CDH18: variants seen among roughly 807,000 people sequenced by gnomAD.
CDH18 encodes cadherin 18.
Under a neutral mutation model 67.9 loss-of-function variants are expected in CDH18, and 31 were observed. The observed-to-expected ratio is 0.46, with a 90% CI of 0.34 to 0.62. CDH18 has a LOEUF of 0.62. CDH18 is among the 20% of genes least tolerant of loss of function. The pLI is 0.01. For synonymous variants in CDH18, 362 were observed against 347.2 expected (o/e 1.04, Z -0.48); for missense variants, 890 against 975.5 (o/e 0.91, Z 1.17).
chr5:20,388,651 T>A (rs1744532566), intron 1 of CDH18, among the ~76,000 whole-genome samples: 1 of 152,186 alleles, frequency 6.6e-6, no homozygotes, highest in South Asian at 2.1e-4. Flanking sequence ...GTTCTTTTAA[T>A]TGTGATGTTA....
intron 2 of CDH18, among the ~76,000 whole-genome samples, chr5:20,002,466 A>G (rs1213788601): frequency 6.6e-6 from 1 of 152,190 alleles, no homozygotes; most frequent in African/African-American, 2.4e-5. Flanking sequence ...TCTGGAAGAT[A>G]AGTTGTACTA....
At chr5:20,110,515 A>C (rs1481499877) in intron 2 of CDH18, among the ~76,000 whole-genome samples, 2 of 152,062 alleles carry the variant, frequency 1.3e-5, no homozygotes, top group African/African-American at 4.8e-5. Context: ...AAACCCTATC[A>C]CTACTAAAAA....
At chr5:19,807,438 A>C (rs762254629) in intron 3 of CDH18, among the ~76,000 whole-genome samples, 2 of 152,178 alleles carry the variant, frequency 1.3e-5, no homozygotes, top group Non-Finnish European at 2.9e-5. Flanking sequence ...TTGATACTAC[A>C]TTACTTTCCT....
At chr5:19,739,083 T>C (rs761534176) in intron 4 of CDH18, among the ~76,000 whole-genome samples, 6 of 152,094 alleles carry the variant, frequency 3.9e-5, no homozygotes, top group Non-Finnish European at 7.4e-5. Flanking sequence ...CTTTACCCAA[T>C]GAAACAGATA....
intron 2 of CDH18, among the ~76,000 whole-genome samples, chr5:20,225,830 T>C (rs1315592599): frequency 6.6e-6 from 1 of 152,090 alleles, no homozygotes; most frequent in Non-Finnish European, 1.5e-5. Context: ...AGATGTGAAA[T>C]GGAAACTTTT....
rs575825297 is a variant in CDH18, at chr5:20,451,319, G to T, written c.-580+124143C>A. Among the ~76,000 whole-genome samples, 113 of 152,068 alleles carry T rather than the reference G, an allele frequency of 7.4e-4. 1 individual carries two copies. The highest frequency in any genetic ancestry group is 1.1e-3 in the Non-Finnish European group (77 of 68,014). On this transcript the variant is annotated intron_variant, in intron 1 of 14. Coordinates refer to the CDH18 transcript ENST00000507958. Reference sequence around the variant, plus strand: ...GAGGTCTTTTCAGATGTTGCTAAGAGTTTTTATTTCTAAGTTATGTCCAGT... The same window carrying T: ...GAGGTCTTTTCAGATGTTGCTAAGATTTTTTATTTCTAAGTTATGTCCAGT...
chr5:20,353,477 CAA>C (rs1741372450), intron 1 of CDH18, among the ~76,000 whole-genome samples: 2 of 152,010 alleles, frequency 1.3e-5, no homozygotes, highest in African/African-American at 4.8e-5. Context: ...AGAACAAGCT[CAA>C]AAAAGAAATA....
intron 2 of CDH18, among the ~76,000 whole-genome samples, chr5:19,862,756 AACC>A (rs1785038465): frequency 6.6e-6 from 1 of 152,198 alleles, no homozygotes; most frequent in African/African-American, 2.4e-5. Flanking sequence ...ATTTGCTACT[AACC>A]ACAGGTCGTA....
At chr5:20,551,594 A>T (rs1040791042) in intron 1 of CDH18, among the ~76,000 whole-genome samples, 1 of 152,168 alleles carries the variant, frequency 6.6e-6, no homozygotes, top group Non-Finnish European at 1.5e-5. Context: ...GTTGAGTAAC[A>T]ACTCAACTCT....
intron 2 of CDH18, among the ~76,000 whole-genome samples, chr5:20,055,922 C>A (rs1274288284): frequency 6.9e-6 from 1 of 145,274 alleles, no homozygotes; most frequent in Admixed American, 7.0e-5. Flanking sequence ...AAAGATTTGG[C>A]TTTTTGCCAG....
chr5:20,480,620 G>A (rs1185552932), intron 1 of CDH18, among the ~76,000 whole-genome samples: 7 of 152,006 alleles, frequency 4.6e-5, no homozygotes. Context: ...TCACCATATT[G>A]GCCAGGCTGG....
At chr5:20,433,294 TTTAA>T (rs1748915733) in intron 1 of CDH18, among the ~76,000 whole-genome samples, 1 of 151,846 alleles carries the variant, frequency 6.6e-6, no homozygotes, top group Non-Finnish European at 1.5e-5. Context: ...TACATATATG[TTTAA>T]TTGTTAGTTG....
chr5:19,816,240 G>A (rs1661930464), intron 3 of CDH18, among the ~76,000 whole-genome samples: 1 of 151,628 alleles, frequency 6.6e-6, no homozygotes. Context: ...CCTCTTTAAT[G>A]GTCAAATAGT....
chr5:20,506,335 T>C (rs948948689), intron 1 of CDH18, among the ~76,000 whole-genome samples: 1 of 152,218 alleles, frequency 6.6e-6, no homozygotes, highest in Admixed American at 6.5e-5. Context: ...GTGATTAAGC[T>C]ACACAAAGTC....
At chr5:19,529,852 A>G (rs188868710) in intron 9 of CDH18, among the ~76,000 whole-genome samples, 2 of 152,144 alleles carry the variant, frequency 1.3e-5, no homozygotes, top group Non-Finnish European at 2.9e-5. Context: ...AATGTTGTTC[A>G]TTGAGGTGTC....
chr5:20,060,508 C>T (rs1370097015), intron 2 of CDH18, among the ~76,000 whole-genome samples: 1 of 151,942 alleles, frequency 6.6e-6, no homozygotes, highest in Non-Finnish European at 1.5e-5. Flanking sequence ...AGATTGGTAT[C>T]TTTAAATAAT....
At chr5:19,926,651 C>T (rs1370128800) in intron 2 of CDH18, among the ~76,000 whole-genome samples, 1 of 151,996 alleles carries the variant, frequency 6.6e-6, no homozygotes, top group African/African-American at 2.4e-5. Flanking sequence ...AAAATTGACT[C>T]TCAAGTATGA....
intron 10 of CDH18, among the ~76,000 whole-genome samples, chr5:19,516,799 A>C (rs347715): frequency 0.21 from 32,038 of 151,770 alleles, 3,650 homozygotes; most frequent in African/African-American, 0.27. Context: ...CAAAAAAAAC[A>C]AGCTCCTGGA....
rs184136395 is a variant in CDH18, at chr5:19,737,299, A to G, written c.523+9643T>C. Among the ~76,000 whole-genome samples the G allele has an allele frequency of 2.2e-4, 33 of 152,146 alleles. No homozygotes were observed. The East Asian group carries it at 3.7e-3, about 17-fold the overall frequency. On this transcript the variant is annotated intron_variant, in intron 4 of 12. Transcript: ENST00000382275. ...GTATCTTCTCACTATATCTGATGCT[A>G]TACTTTCTCTCTAAACCTGATCATT...
Sources: allele counts gnomAD v4.1 joint callset (sites outside exome capture counted in the v4.1 genomes callset), GRCh38; gene constraint gnomAD v4.1.1; transcripts MANE v1.5; gene names NCBI Gene and HGNC (gene_info 2026-07-23, HGNC 2026-07-21).